SLC25A21: variants seen among roughly 807,000 people sequenced by gnomAD.
SLC25A21 encodes the protein mitochondrial 2-oxodicarboxylate carrier.
Under a neutral mutation model 43.8 loss-of-function variants are expected in SLC25A21, and 47 were observed. The observed-to-expected ratio is 1.07, with a 90% CI of 0.85 to 1.37. The LOEUF is 1.37. Among genes scored for constraint, SLC25A21 ranks in the 40% most tolerant of loss-of-function variants. SLC25A21 has a pLI of 0.00. For missense variants in SLC25A21, 352 were observed against 350.2 expected (o/e 1.00, Z -0.04); for synonymous variants, 131 against 121.3 (o/e 1.08, Z -0.52).
At chr14:36,718,742 C>A (rs1015151784) in intron 6 of SLC25A21, among the ~76,000 whole-genome samples, 7 of 152,140 alleles carry the variant, frequency 4.6e-5, no homozygotes, top group Non-Finnish European at 8.8e-5. Context: ...TAGAACCAAA[C>A]CCTGAGCTAA....
At chr14:36,700,827 C>T (rs562879169) in intron 7 of SLC25A21, among the ~76,000 whole-genome samples, 1 of 152,256 alleles carries the variant, frequency 6.6e-6, no homozygotes, top group African/African-American at 2.4e-5. Flanking sequence ...GAGGCAGATA[C>T]ACACACTGGT....
At chr14:36,800,595 G>C (rs1887837337) in intron 3 of SLC25A21, among the ~76,000 whole-genome samples, 1 of 152,046 alleles carries the variant, frequency 6.6e-6, no homozygotes, top group Non-Finnish European at 1.5e-5. Flanking sequence ...GGAGAAATGG[G>C]GAATTACTGT....
intron 1 of SLC25A21, among the ~76,000 whole-genome samples, chr14:37,128,536 CTCTGTGTGTGTG>C (rs1309466458): frequency 1.1e-5 from 1 of 87,042 alleles, no homozygotes; most frequent in East Asian, 3.0e-4. Flanking sequence ...CTCTCTCTCT[CTCTGTGTGTGTG>C]TGTGTGTGTG....
At chr14:36,735,052 G>C (rs1054368536) in intron 3 of SLC25A21, among the ~76,000 whole-genome samples, 1 of 152,158 alleles carries the variant, frequency 6.6e-6, no homozygotes, top group East Asian at 1.9e-4. Context: ...AGCTCTGTGG[G>C]TATGGTACTA....
intron 1 of SLC25A21, among the ~76,000 whole-genome samples, chr14:37,169,736 T>C (rs1172682132): frequency 6.6e-6 from 1 of 152,106 alleles, no homozygotes; most frequent in Non-Finnish European, 1.5e-5. Flanking sequence ...ACCAAGTATA[T>C]ATAATATGAT....
chr14:36,799,293 C>T (rs1887783695), intron 3 of SLC25A21, among the ~76,000 whole-genome samples: 1 of 152,074 alleles, frequency 6.6e-6, no homozygotes, highest in South Asian at 2.1e-4. Context: ...AGAATGAGAT[C>T]CACAAACATG....
At chr14:36,913,899 TAGTA>T (rs1891759012) in intron 1 of SLC25A21, among the ~76,000 whole-genome samples, 1 of 152,230 alleles carries the variant, frequency 6.6e-6, no homozygotes, top group South Asian at 2.1e-4. Context: ...AGGAATATTC[TAGTA>T]AGTATGAATA....
At chr14:36,901,399 T>C (rs919266125) in intron 1 of SLC25A21, among the ~76,000 whole-genome samples, 3 of 152,192 alleles carry the variant, frequency 2.0e-5, no homozygotes, top group African/African-American at 7.2e-5. Flanking sequence ...AATAATATTC[T>C]GTATTTTGAG....
At chr14:37,028,245 T>C (rs1197680457) in intron 1 of SLC25A21, among the ~76,000 whole-genome samples, 3 of 151,718 alleles carry the variant, frequency 2.0e-5, no homozygotes, top group South Asian at 2.1e-4. Flanking sequence ...CCAATAGTGG[T>C]TGAGAAGAAA....
chr14:36,767,433 C>T (rs1241572016), intron 3 of SLC25A21, among the ~76,000 whole-genome samples: 3 of 152,170 alleles, frequency 2.0e-5, no homozygotes, highest in African/African-American at 7.2e-5. Context: ...ATGAGTATCT[C>T]CTCTTAGAGT....
At chr14:36,877,627 T>C (rs1185977427) in intron 1 of SLC25A21, among the ~76,000 whole-genome samples, 12 of 151,964 alleles carry the variant, frequency 7.9e-5, no homozygotes, top group Non-Finnish European at 1.6e-4. Flanking sequence ...TGGGAGCACC[T>C]CAGAGAGAGG....
chr14:37,000,955 C>T (rs116933834), intron 1 of SLC25A21, among the ~76,000 whole-genome samples: 2,296 of 152,188 alleles, frequency 0.015, 21 homozygotes, highest in Admixed American at 0.025. Flanking sequence ...ATAAATTAGC[C>T]AGTCTCAGGT....
intron 1 of SLC25A21, 126 bp downstream of exon 1, chr14:37,172,155 C>G: frequency 9.8e-7 from 1 of 1,021,336 alleles, no homozygotes; most frequent in East Asian, 2.6e-5. Flanking sequence ...AAGCACTGCT[C>G]CGGGAGCGCT....
At chr14:37,032,692 A>T (rs953246449) in intron 1 of SLC25A21, among the ~76,000 whole-genome samples, 1 of 151,152 alleles carries the variant, frequency 6.6e-6, no homozygotes, top group African/African-American at 2.4e-5. Context: ...AAAAGGGAGA[A>T]CAGATGAAAC....
intron 1 of SLC25A21, among the ~76,000 whole-genome samples, chr14:37,110,182 C>T (rs536310833): frequency 6.6e-6 from 1 of 152,284 alleles, no homozygotes; most frequent in South Asian, 2.1e-4. Context: ...CGAGGGAACA[C>T]AAGAGCTCAT....
chr14:36,758,935 C>T (rs1489475611), intron 3 of SLC25A21, among the ~76,000 whole-genome samples: 4 of 152,294 alleles, frequency 2.6e-5, no homozygotes, highest in East Asian at 1.9e-4. Context: ...GCTTCTGGAA[C>T]GTGCATTATC....
chr14:36,852,424 G>A (rs576000394), intron 2 of SLC25A21, among the ~76,000 whole-genome samples: 2 of 152,256 alleles, frequency 1.3e-5, no homozygotes, highest in East Asian at 1.9e-4. Context: ...CACACTTCAT[G>A]TTGTATCTTA....
intron 1 of SLC25A21, among the ~76,000 whole-genome samples, chr14:37,170,653 G>C (rs535144477): frequency 3.9e-5 from 6 of 152,152 alleles, no homozygotes; most frequent in African/African-American, 9.6e-5. Flanking sequence ...ATAATAACGG[G>C]TGGTGGCTCA....
At chr14:36,824,539 C>A (rs993756032) in intron 2 of SLC25A21, among the ~76,000 whole-genome samples, 11 of 151,978 alleles carry the variant, frequency 7.2e-5, no homozygotes, top group Admixed American at 2.0e-4. Flanking sequence ...ATAATCTATC[C>A]CAGTGTGTCC....
Sources: gnomAD v4.1 joint callset for allele counts (sites outside exome capture counted in the v4.1 genomes callset) on GRCh38, gnomAD v4.1.1 for gene constraint, MANE v1.5 for transcripts, NCBI Gene and HGNC (gene_info 2026-07-23, HGNC 2026-07-21) for gene names.